Variants in KCNMB3 observed in about 807,000 individuals in gnomAD.
KCNMB3 encodes potassium calcium-activated channel subfamily M regulatory beta subunit 3.
In KCNMB3, 18 loss-of-function variants were observed where a neutral mutation model predicts 11.9. That is an observed-to-expected ratio of 1.51 (90% CI 1.04 to 2.23). The LOEUF (loss-of-function observed/expected upper bound fraction) is 2.23. KCNMB3 is among the 30% of genes most tolerant of loss of function. The probability of loss-of-function intolerance (pLI) is 0.00; values close to 1 mark genes in which losing one functional copy is unlikely to be tolerated. For missense variants in KCNMB3, 247 were observed against 329.4 expected (o/e 0.75, Z 1.94); for synonymous variants, 78 against 119.2 (o/e 0.65, Z 2.25).
intron 1 of KCNMB3, chr3:179,261,073 G>T: frequency 1.8e-6 from 2 of 1,099,110 alleles, no homozygotes; most frequent in South Asian, 1.2e-5. Flanking sequence ...GGCCCAGCAT[G>T]TTACGAGACC....
At chr3:179,266,635 C>T in intron 1 of KCNMB3, 4 of 1,613,914 alleles carry the variant, frequency 2.5e-6, no homozygotes, top group Non-Finnish European at 3.4e-6. Flanking sequence ...GCAGAGCTTC[C>T]GGAAGTGACT....
At chr3:179,245,246 A>G (rs1350499835) in intron 1 of KCNMB3, among the ~76,000 whole-genome samples, 2 of 151,966 alleles carry the variant, frequency 1.3e-5, no homozygotes, top group African/African-American at 4.8e-5. Context: ...GTGCCTTTGG[A>G]AGGAGTCTAA....
At chr3:179,266,972 A>AAG, upstream of KCNMB3, 1 of 1,250,594 alleles carries the variant, frequency 8.0e-7, no homozygotes, top group East Asian at 3.1e-5. Context: ...GGTTTGCTGC[A>AAG]GCCGAAGCTG....
intron 1 of KCNMB3, chr3:179,259,071 G>C: frequency 6.2e-7 from 1 of 1,609,094 alleles, no homozygotes; most frequent in South Asian, 1.1e-5. Context: ...CCCTCCTCTG[G>C]TATCTTCTCT....
downstream of KCNMB3, chr3:179,240,855 T>TGC (rs1403839203): frequency 1.6e-4 from 24 of 152,222 alleles, no homozygotes; most frequent in Non-Finnish European, 7.3e-5. Context: ...AATAGAGATG[T>TGC]GCCCTTGAGA....
intron 1 of KCNMB3, among the ~76,000 whole-genome samples, chr3:179,265,787 C>T (rs1726356170): frequency 6.6e-6 from 1 of 152,196 alleles, no homozygotes; most frequent in African/African-American, 2.4e-5. Context: ...ATTTGTCCAA[C>T]ACCCTCAGGC....
chr3:179,245,526 T>G (rs1200448538), intron 1 of KCNMB3, among the ~76,000 whole-genome samples: 1 of 148,540 alleles, frequency 6.7e-6, no homozygotes, highest in Non-Finnish European at 1.5e-5. Flanking sequence ...GGGGGGGGGA[T>G]GGAGTTTCGC....
chr3:179,249,303 G>A (rs1234642793), intron 1 of KCNMB3, among the ~76,000 whole-genome samples: 9 of 144,930 alleles, frequency 6.2e-5, no homozygotes, highest in Non-Finnish European at 7.5e-5. Flanking sequence ...GTGAGCCACC[G>A]CGCCTGGCCC....
chr3:179,265,159 G>C (rs984562166), intron 1 of KCNMB3, among the ~76,000 whole-genome samples: 1 of 152,118 alleles, frequency 6.6e-6, no homozygotes, highest in Non-Finnish European at 1.5e-5. Flanking sequence ...TTAATTGTCT[G>C]TTCACAAAAA....
intron 1 of KCNMB3, chr3:179,260,346 G>C (rs1726163592): frequency 6.2e-7 from 1 of 1,613,972 alleles, no homozygotes; most frequent in African/African-American, 1.3e-5. Flanking sequence ...TTCCTCATAG[G>C]TAGCACCTGC....
intron 1 of KCNMB3, among the ~76,000 whole-genome samples, chr3:179,261,558 C>T (rs1033266894): frequency 3.9e-5 from 6 of 152,028 alleles, no homozygotes; most frequent in African/African-American, 1.4e-4. Flanking sequence ...CGCCTCCGCC[C>T]GCCCCATGGC....
chr3:179,265,187 C>A (rs565586249), intron 1 of KCNMB3, among the ~76,000 whole-genome samples: 35 of 152,172 alleles, frequency 2.3e-4, no homozygotes, highest in Non-Finnish European at 4.4e-4. Context: ...TCATGTCTAG[C>A]GAGAAGAACA....
At chr3:179,258,834 A>T (rs1381162933) in intron 1 of KCNMB3, 2 of 1,476,612 alleles carry the variant, frequency 1.4e-6, no homozygotes, top group Admixed American at 1.8e-5. Context: ...AATCTGGGTG[A>T]TAACCTCAAT....
intron 1 of KCNMB3, among the ~76,000 whole-genome samples, chr3:179,250,317 A>C (rs1009382836): frequency 1.3e-5 from 2 of 152,230 alleles, no homozygotes; most frequent in Admixed American, 6.5e-5. Context: ...GAAGGAAACT[A>C]ATATGTATTG....
At chr3:179,262,524 A>G (rs1365667878) in intron 1 of KCNMB3, among the ~76,000 whole-genome samples, 2 of 152,240 alleles carry the variant, frequency 1.3e-5, no homozygotes, top group African/African-American at 4.8e-5. Flanking sequence ...TGCAAAGAGC[A>G]AAGGAACAAA....
chr3:179,259,478 A>G (rs1490265801), intron 1 of KCNMB3: 3 of 1,612,856 alleles, frequency 1.9e-6, no homozygotes, highest in Non-Finnish European at 2.5e-6. Context: ...CTTCTTGGTC[A>G]AGTTTTCCAT....
At chr3:179,261,332 C>T (rs984223176) in intron 1 of KCNMB3, 25 of 1,186,126 alleles carry the variant, frequency 2.1e-5, no homozygotes, top group Admixed American at 9.3e-5. Flanking sequence ...TGCCGGAGCC[C>T]CCCCCCGCGG....
At chr3:179,261,192 C>A in intron 1 of KCNMB3, 1 of 1,342,518 alleles carries the variant, frequency 7.4e-7, no homozygotes, top group Non-Finnish European at 1.0e-6. Context: ...CGTTTTGCGG[C>A]GAGCCGGGCC....
chr3:179,261,432 C>G (rs1025380044), intron 1 of KCNMB3, among the ~76,000 whole-genome samples: 1 of 151,990 alleles, frequency 6.6e-6, no homozygotes, highest in Non-Finnish European at 1.5e-5. Flanking sequence ...AGAGCCAGCC[C>G]GCCGGGGAGC....
Sources: gnomAD v4.1 joint callset for allele counts (sites outside exome capture counted in the v4.1 genomes callset) on GRCh38, gnomAD v4.1.1 for gene constraint, MANE v1.5 for transcripts, NCBI Gene and HGNC (gene_info 2026-07-23, HGNC 2026-07-21) for gene names.